The following MORC1 variants were observed in gnomAD, a reference collection of about 807,000 sequenced individuals.
The protein encoded by MORC1 is MORC family CW-type zinc finger 1.
Under a neutral mutation model 134.9 loss-of-function variants are expected in MORC1, and 59 were observed. The ratio of observed to expected loss-of-function variants is 0.44; its 90% CI spans 0.35 to 0.54. The LOEUF (loss-of-function observed/expected upper bound fraction) is 0.54. MORC1 is among the 20% of genes least tolerant of loss of function. The pLI is 0.00. For synonymous variants in MORC1, 395 were observed against 391.7 expected, an observed-to-expected ratio of 1.01 and a Z score of -0.10; for missense variants, 947 against 1,134.5, an observed-to-expected ratio of 0.83 and a Z score of 2.37.
intron 26 of MORC1, among the ~76,000 whole-genome samples, chr3:108,964,699 G>A (rs2107361032): frequency 6.6e-6 from 1 of 152,166 alleles, no homozygotes; most frequent in African/African-American, 2.4e-5. Context: ...AGATATATAG[G>A]GTACAGTCTT....
intron 16 of MORC1, among the ~76,000 whole-genome samples, chr3:109,030,357 T>C (rs555778596): frequency 6.6e-6 from 1 of 152,320 alleles, no homozygotes; most frequent in East Asian, 1.9e-4. Context: ...CATCCTACCA[T>C]TTTGAATCAA....
At chr3:108,993,956 T>C (rs3804702) in intron 21 of MORC1, among the ~76,000 whole-genome samples, 45,407 of 151,980 alleles carry the variant, frequency 0.3, 7,615 homozygotes, top group Non-Finnish European at 0.37. Flanking sequence ...TCAGCTCATC[T>C]AGATGTTCTC....
intron 14 of MORC1, 116 bp from the exon 15 acceptor site, chr3:109,035,584 T>C: frequency 1.8e-6 from 1 of 564,362 alleles, no homozygotes; most frequent in Admixed American, 3.9e-5. Flanking sequence ...TATTAATACA[T>C]ATACAGAAAT....
At chr3:109,000,089 A>T (rs1235975736) in intron 21 of MORC1, among the ~76,000 whole-genome samples, 11 of 152,216 alleles carry the variant, frequency 7.2e-5, no homozygotes, top group Admixed American at 7.2e-4. Context: ...CGAACATATT[A>T]TTTAAAGGAG....
intron 8 of MORC1, among the ~76,000 whole-genome samples, chr3:109,076,904 C>G (rs1368130657): frequency 6.6e-6 from 1 of 151,018 alleles, no homozygotes; most frequent in Non-Finnish European, 1.5e-5. Context: ...TGCAGCAAAC[C>G]ACCATGGCAT....
At chr3:109,070,580 A>G (rs1345604299) in intron 8 of MORC1, among the ~76,000 whole-genome samples, 1 of 152,192 alleles carries the variant, frequency 6.6e-6, no homozygotes, top group Admixed American at 6.5e-5. Context: ...TCGGTCACAG[A>G]AAAGGCTACT....
At chr3:109,055,919 A>G (rs941432024) in intron 13 of MORC1, among the ~76,000 whole-genome samples, 16 of 152,314 alleles carry the variant, frequency 1.1e-4, no homozygotes, top group African/African-American at 3.9e-4. Flanking sequence ...ACCAGTTTTA[A>G]TTAGACAGTC....
intron 5 of MORC1, among the ~76,000 whole-genome samples, 160 bp downstream of exon 5, chr3:109,100,256 CA>C (rs1490540532): frequency 6.6e-6 from 1 of 151,936 alleles, no homozygotes; most frequent in East Asian, 1.9e-4. Flanking sequence ...AAAAAAAAGT[CA>C]GTTTTGTATA....
intron 24 of MORC1, among the ~76,000 whole-genome samples, chr3:108,977,865 A>G (rs1046149133): frequency 6.6e-6 from 1 of 152,046 alleles, no homozygotes; most frequent in Non-Finnish European, 1.5e-5. Context: ...ACTGACATCT[A>G]TCTAGATCAT....
chr3:109,057,614 G>C (rs1949990644), intron 12 of MORC1, 128 bp from the exon 13 acceptor site: 1 of 707,132 alleles, frequency 1.4e-6, no homozygotes, highest in South Asian at 3.2e-5. Flanking sequence ...GCAAAACCTG[G>C]TAGGCACACT....
chr3:109,080,276 G>A (rs1315863901), intron 8 of MORC1, among the ~76,000 whole-genome samples: 3 of 152,158 alleles, frequency 2.0e-5, no homozygotes, highest in Non-Finnish European at 4.4e-5. Context: ...TACATGGATG[G>A]CAGCAGGTAA....
chr3:109,057,731 T>C (rs1949994104), intron 12 of MORC1, among the ~76,000 whole-genome samples: 1 of 152,198 alleles, frequency 6.6e-6, no homozygotes, highest in African/African-American at 2.4e-5. Flanking sequence ...AATTTAAATT[T>C]ACAAGAACTA....
Position 109,069,643 on chromosome 3 carries a change from G to C in MORC1, c.804C>G (p.Leu268=). 6.2e-7 allele frequency: 1 copy of C among 1,602,256 alleles called. No individual in the cohort carries two copies. Among genetic ancestry groups the C allele is most frequent in the East Asian group, 2.2e-5 (1 of 44,704 alleles). Residue 268 remains leucine (L), a synonymous_variant, in exon 9 of 28, where the codon CTC becomes CTG. Transcript: ENST00000232603. ...RVKTKHLCYC[L]YRPRKYLYVT... ...GAAAGATGAGTTACCTGGGTCTGTAGAGGCAATAGCAAAGATGTTTAGTTT... is the reference window on the plus strand; with the variant it reads ...GAAAGATGAGTTACCTGGGTCTGTACAGGCAATAGCAAAGATGTTTAGTTT...
At chr3:109,025,010 G>A (rs1280829369) in intron 17 of MORC1, among the ~76,000 whole-genome samples, 1 of 152,108 alleles carries the variant, frequency 6.6e-6, no homozygotes, top group Non-Finnish European at 1.5e-5. Flanking sequence ...CCAAAACATA[G>A]TTTCTGAACA....
intron 18 of MORC1, among the ~76,000 whole-genome samples, chr3:109,006,273 T>C (rs1948537148): frequency 6.6e-6 from 1 of 152,174 alleles, no homozygotes; most frequent in Admixed American, 6.5e-5. Context: ...TATAAGACTA[T>C]ACCAGCTCCA....
chr3:108,991,159 T>C (rs1172763571), intron 21 of MORC1, among the ~76,000 whole-genome samples: 5 of 152,114 alleles, frequency 3.3e-5, no homozygotes, highest in African/African-American at 1.2e-4. Context: ...GTTCTAAGTA[T>C]GAGCAGAAGC....
At chr3:109,040,411 G>GAAAGA (rs1559912571) in intron 14 of MORC1, among the ~76,000 whole-genome samples, 13 of 25,202 alleles carry the variant, frequency 5.2e-4, no homozygotes, top group African/African-American at 9.3e-4. Context: ...AGAGAAGGAA[G>GAAAGA]GAAGGAAGGA....
intron 17 of MORC1, among the ~76,000 whole-genome samples, chr3:109,007,780 A>G (rs574378345): frequency 6.6e-6 from 1 of 152,328 alleles, no homozygotes; most frequent in South Asian, 2.1e-4. Flanking sequence ...ATATAGTCAC[A>G]TATGACAACA....
intron 3 of MORC1, among the ~76,000 whole-genome samples, chr3:109,107,772 T>C (rs1022649814): frequency 2.0e-5 from 3 of 152,192 alleles, no homozygotes; most frequent in African/African-American, 7.2e-5. Context: ...GTTTGCTAGG[T>C]TGATAGCCAT....
Sources: allele counts gnomAD v4.1 joint callset (sites outside exome capture counted in the v4.1 genomes callset), GRCh38; gene constraint gnomAD v4.1.1; transcripts MANE v1.5; gene names NCBI Gene and HGNC (gene_info 2026-07-23, HGNC 2026-07-21).